DNAAF5: variants seen among roughly 807,000 people sequenced by gnomAD.
DNAAF5 encodes the protein dynein axonemal assembly factor 5, also known as HEAT repeat containing 2.
In DNAAF5, 64 loss-of-function variants were observed where a neutral mutation model predicts 75.8. The observed-to-expected ratio is 0.84, with a 90% CI of 0.69 to 1.04. DNAAF5 has a LOEUF of 1.04. Among genes scored for constraint, DNAAF5 ranks in the 50% least tolerant of loss-of-function variants. DNAAF5 has a pLI of 0.00. For missense variants in DNAAF5, 1,269 were observed against 1,178.5 expected, an observed-to-expected ratio of 1.08 and a Z score of -1.12; for synonymous variants, 657 against 557.2, an observed-to-expected ratio of 1.18 and a Z score of -2.52.
intron 6 of DNAAF5, among the ~76,000 whole-genome samples, chr7:758,478 G>C (rs1275356453): frequency 1.3e-5 from 2 of 152,224 alleles, no homozygotes; most frequent in African/African-American, 4.8e-5. Context: ...GGGACCCCTG[G>C]GAAGCCAGCC....
Position 760,556 on chromosome 7 carries a change from A to G in DNAAF5, c.1471-1197A>G, listed in dbSNP as rs547297071. ...TCCCAGCACTTTGAGAGGCCACGGCAGGAGGATCACTTAAGGCTAGGAGTT... is the reference window on the plus strand; with the variant it reads ...TCCCAGCACTTTGAGAGGCCACGGCGGGAGGATCACTTAAGGCTAGGAGTT... On this transcript the variant is annotated intron_variant, in intron 6 of 12. Coordinates refer to ENST00000297440, the MANE Select transcript of DNAAF5 (RefSeq NM_017802.4). Among the ~76,000 whole-genome samples the G allele has an allele frequency of 7.9e-5, 12 of 152,346 alleles. No individual in the cohort carries two copies. The South Asian group carries it at 2.1e-3, about 26-fold the overall frequency.
chr7:758,972 C>T (rs62432243), intron 6 of DNAAF5, among the ~76,000 whole-genome samples: 120,051 of 152,062 alleles, frequency 0.79, 47,575 homozygotes, highest in South Asian at 0.86. Context: ...TGTGAGCCAC[C>T]GCACCTGGCC....
At chr7:768,090 G>C (rs544347944) in intron 8 of DNAAF5, among the ~76,000 whole-genome samples, 1 of 149,664 alleles carries the variant, frequency 6.7e-6, no homozygotes, top group East Asian at 2.3e-4. Context: ...GCGAGCGGGA[G>C]CTCGCGCTGG....
intron 2 of DNAAF5, among the ~76,000 whole-genome samples, chr7:731,449 C>T (rs1056166746): frequency 6.6e-6 from 1 of 152,152 alleles, no homozygotes; most frequent in Non-Finnish European, 1.5e-5. Flanking sequence ...CTAAAAATAC[C>T]ATAACTATGT....
In DNAAF5 at chr7:774,122, C is replaced by G. The variant is rs141955563; in HGVS notation, c.2006C>G (p.Thr669Arg). Residue 669 changes from threonine to arginine, a missense_variant, in exon 10 of 13, where the codon ACA becomes AGA. By Grantham distance (71) the Thr-to-Arg change is moderately conservative (BLOSUM62 -1). Coordinates refer to ENST00000297440, the MANE Select transcript of DNAAF5 (RefSeq NM_017802.4). ...AATCTGCAGTGGCATGCGGGGAGGA[C>G]AGCCGCGGCCATCCGCACGGCTGCC... ...APNLQWHAGRTAAAIRTAAVS... is the reference protein window; with the variant it reads ...APNLQWHAGRRAAAIRTAAVS... 1 of 1,613,194 alleles carries G rather than the reference C, an allele frequency of 6.2e-7. No homozygotes were observed. Among genetic ancestry groups the G allele is most frequent in the Non-Finnish European group, 8.5e-7 (1 of 1,179,992 alleles).
intron 8 of DNAAF5, among the ~76,000 whole-genome samples, chr7:767,286 C>T (rs888946175): frequency 1.9e-5 from 1 of 51,994 alleles, no homozygotes; most frequent in Admixed American, 2.0e-4. Flanking sequence ...TTCATTTATC[C>T]AATTAAGTGA....
intron 9 of DNAAF5, 56 bp downstream of exon 9, chr7:770,674 C>A: frequency 2.6e-6 from 4 of 1,551,532 alleles, no homozygotes; most frequent in Non-Finnish European, 2.6e-6. Context: ...GCCAGGGGTC[C>A]CCATCTCCCT....
At chr7:784,328 T>C (rs896962464) in intron 12 of DNAAF5, among the ~76,000 whole-genome samples, 7 of 152,216 alleles carry the variant, frequency 4.6e-5, no homozygotes, top group Non-Finnish European at 7.3e-5. Context: ...TGCAGCTGCC[T>C]GGTGCCGAAC....
At position 786,105 on chromosome 7, in the gene DNAAF5, T is replaced by A. The variant is rs977208731; in HGVS notation, c.*452T>A. On this transcript the variant is annotated 3_prime_UTR_variant, in exon 13 of 13. Coordinates refer to ENST00000297440, the MANE Select transcript of DNAAF5 (RefSeq NM_017802.4). ...GGGTTCTGTCTACTGAAATTTAATATCTCAGTGAACAGACTAAAAGGAATT... is the reference window on the plus strand; with the variant it reads ...GGGTTCTGTCTACTGAAATTTAATAACTCAGTGAACAGACTAAAAGGAATT... 5 of 157,678 alleles carry A rather than the reference T, an allele frequency of 3.2e-5. No homozygotes were observed. The highest frequency in any genetic ancestry group is 2.5e-4 in the Admixed American group (4 of 15,904). 9.8% of individuals were successfully genotyped at this position (157,678 alleles called of 1,614,324 possible).
At chr7:731,345 G>A (rs1320237041) in intron 2 of DNAAF5, among the ~76,000 whole-genome samples, 1 of 152,216 alleles carries the variant, frequency 6.6e-6, no homozygotes, top group Non-Finnish European at 1.5e-5. Flanking sequence ...ATAGCTGTCT[G>A]TAAATACTGG....
intron 2 of DNAAF5, among the ~76,000 whole-genome samples, chr7:739,742 G>A (rs572180614): frequency 5.3e-5 from 8 of 152,248 alleles, no homozygotes; most frequent in South Asian, 2.1e-4. Context: ...AATGAACTTC[G>A]GAGCAGTCAG....
At position 761,574 on chromosome 7, in the gene DNAAF5, C is replaced by T. The variant is rs4548086; in HGVS notation, c.1471-179C>T. On this transcript the variant is annotated intron_variant, in intron 6 of 12. Coordinates refer to ENST00000297440, the MANE Select transcript of DNAAF5 (RefSeq NM_017802.4). ...TGCCCTTTATACTAACATCAGATCT[C>T]GTGAGACTTAATATCAAGAGAACAG... is the stretch of plus-strand genomic sequence containing the variant. 0.64 allele frequency among the ~76,000 whole-genome samples: 97,805 copies of T among 152,142 alleles called. 31,748 individuals carry two copies. Among genetic ancestry groups the T allele is most frequent in the African/African-American group, 0.7 (29,176 of 41,510 alleles).
Position 768,011 on chromosome 7 carries a change from TGTCCTTGCAGCGAGC to T in DNAAF5, c.1784-2459_1784-2445del, listed in dbSNP as rs1340456725. On this transcript the variant is annotated intron_variant, in intron 8 of 12. Coordinates refer to ENST00000297440, the MANE Select transcript of DNAAF5 (RefSeq NM_017802.4). ...GGTAGACACGTGGCCCGGGCGGAAGTGTCCTTGCAGCGAGCAGGAGCTGGCGCTGGGAGGGCAGAC... is the reference window on the plus strand; with the variant it reads ...GGTAGACACGTGGCCCGGGCGGAAGTAGGAGCTGGCGCTGGGAGGGCAGAC... Among the ~76,000 whole-genome samples, 14 of 149,932 alleles carry T rather than the reference TGTCCTTGCAGCGAGC, an allele frequency of 9.3e-5. No homozygotes were observed. The South Asian group carries it at 2.7e-3, about 29-fold the overall frequency.
intron 9 of DNAAF5, 175 bp downstream of exon 9, chr7:770,793 G>T (rs1225592787): frequency 5.0e-6 from 3 of 601,824 alleles, no homozygotes; most frequent in Non-Finnish European, 8.3e-6. Flanking sequence ...TGGGCCGGGG[G>T]TCCCCACCTC....
At chr7:747,258 T>TG (rs1171793295) in intron 4 of DNAAF5, among the ~76,000 whole-genome samples, 25 of 152,276 alleles carry the variant, frequency 1.6e-4, no homozygotes, top group Non-Finnish European at 3.5e-4. Flanking sequence ...GATTTCCAGG[T>TG]GCTGCAGTCA....
At chr7:765,295 G>C (rs953080089) in intron 8 of DNAAF5, among the ~76,000 whole-genome samples, 2 of 152,158 alleles carry the variant, frequency 1.3e-5, no homozygotes, top group Non-Finnish European at 2.9e-5. Context: ...AGAGCACAGA[G>C]AACTCCCGAG....
intron 8 of DNAAF5, among the ~76,000 whole-genome samples, chr7:765,513 C>G (rs1335714858): frequency 6.6e-6 from 1 of 152,184 alleles, no homozygotes; most frequent in African/African-American, 2.4e-5. Flanking sequence ...GCATTTACTG[C>G]AGCTCTGGTG....
chr7:733,288 T>G (rs1427578133), intron 2 of DNAAF5, among the ~76,000 whole-genome samples: 10 of 152,204 alleles, frequency 6.6e-5, no homozygotes, highest in Admixed American at 6.5e-4. Context: ...TTCAACGTCT[T>G]TCGAGGTTCC....
intron 8 of DNAAF5, among the ~76,000 whole-genome samples, chr7:764,981 C>A (rs187848707): frequency 6.6e-6 from 1 of 151,948 alleles, no homozygotes; most frequent in African/African-American, 2.4e-5. Flanking sequence ...GTTAGCCAGG[C>A]GTGGTGGTGT....
Sources: allele counts gnomAD v4.1 joint callset (sites outside exome capture counted in the v4.1 genomes callset), GRCh38; gene constraint gnomAD v4.1.1; transcripts MANE v1.5; gene names NCBI Gene and HGNC (gene_info 2026-07-23, HGNC 2026-07-21).